The following HERC5 variants were observed in gnomAD, a reference collection of about 807,000 sequenced individuals.
The protein encoded by HERC5 is HECT and RLD domain containing E3 ubiquitin protein ligase 5.
HERC5 carries 99 observed loss-of-function variants against 119.6 expected under a neutral mutation model. The observed-to-expected ratio is 0.83, with a 90% CI of 0.70 to 0.98. The LOEUF (loss-of-function observed/expected upper bound fraction) is 0.98, where lower values mean the gene tolerates loss of function less well. Among genes scored for constraint, HERC5 ranks in the 50% least tolerant of loss-of-function variants. The pLI is 0.00. For missense variants in HERC5, 1,267 were observed against 1,241.3 expected (o/e 1.02, Z -0.31); for synonymous variants, 478 against 445.9 (o/e 1.07, Z -0.91).
intron 5 of HERC5, 64 bp downstream of exon 5, chr4:88,463,687 T>C (rs1156937208): frequency 1.4e-5 from 21 of 1,464,770 alleles, no homozygotes; most frequent in Non-Finnish European, 2.0e-5. Context: ...GGGAAGTTAG[T>C]GTTTCCCAGA....
intron 6 of HERC5, among the ~76,000 whole-genome samples, chr4:88,465,619 C>CA (rs2149088223): frequency 6.6e-6 from 1 of 152,324 alleles, no homozygotes; most frequent in Admixed American, 6.5e-5. Context: ...TCATTACATA[C>CA]AGTCCTTTTG....
chr4:88,479,216 C>G (rs1191012365), intron 12 of HERC5, 137 bp from the exon 13 acceptor site: 1 of 494,978 alleles, frequency 2.0e-6, no homozygotes, highest in African/African-American at 2.1e-5. Context: ...ACCTGGGAGG[C>G]AGAGGATGTA....
rs758440949 is a variant in HERC5 at position 88,504,320 on chromosome 4, A to G, written c.2671A>G (p.Met891Val). Reference sequence around the variant, plus strand: ...AGAATTTCGGAGAGGATTTTATAAAATGTGCGACGAAGACATTATCAAATT... The same window carrying G: ...AGAATTTCGGAGAGGATTTTATAAAGTGTGCGACGAAGACATTATCAAATT... ...YEEFRRGFYK[M>V]CDEDIIKLFH... Residue 891 changes from methionine (M) to valine (V), a missense_variant, in exon 21 of 23, where the codon ATG (methionine) becomes GTG (valine). This residue lies in a region of HERC5 where 473 missense variants were observed against 445.7 expected (regional missense o/e 1.06). Transcript: ENST00000264350. 1.4e-5 allele frequency: 22 copies of G among 1,613,168 alleles called. No homozygotes were observed. In the Admixed American group the frequency reaches 1.8e-4, roughly 13 times the overall value.
At chr4:88,479,898 T>C (rs1741219191) in intron 13 of HERC5, among the ~76,000 whole-genome samples, 1 of 152,002 alleles carries the variant, frequency 6.6e-6, no homozygotes, top group African/African-American at 2.4e-5. Context: ...AAACCCCGTC[T>C]CTATTAAAAA....
chr4:88,491,921 G>T (rs558584436), intron 16 of HERC5, among the ~76,000 whole-genome samples: 7 of 152,236 alleles, frequency 4.6e-5, no homozygotes, highest in Non-Finnish European at 7.4e-5. Flanking sequence ...AGCAGTAGGG[G>T]TGCAGCCTCC....
Position 88,462,168 on chromosome 4 carries a change from A to G in HERC5, c.500A>G (p.His167Arg), listed in dbSNP as rs1485852220. Reference sequence around the variant, plus strand: ...CTTTTTGCCTGGGGACAGAACCTGCATGGGCAGCTTGGAGTTGGAAGGAAA... The same window carrying G: ...CTTTTTGCCTGGGGACAGAACCTGCGTGGGCAGCTTGGAGTTGGAAGGAAA... Reference protein sequence around the residue: ...GELFAWGQNLHGQLGVGRKFP... With the variant: ...GELFAWGQNLRGQLGVGRKFP... The change falls in exon 4 of 23, where the codon CAT (histidine) becomes CGT (arginine). Residue 167 changes from histidine (H) to arginine (R), a missense_variant. His to Arg is a conservative substitution (Grantham distance 29). Around this residue, in one of 3 missense-constraint regions of HERC5, gnomAD observed 777 missense variants for 758.0 expected, o/e 1.03. Transcript: ENST00000264350. 6 of 1,614,022 alleles carry G rather than the reference A, an allele frequency of 3.7e-6. No homozygotes were observed. The Admixed American group carries it at 5.0e-5, about 13-fold the overall frequency.
intron 14 of HERC5, 97 bp from the exon 15 acceptor site, chr4:88,486,972 T>C: frequency 1.4e-6 from 1 of 723,796 alleles, no homozygotes; most frequent in Non-Finnish European, 2.3e-6. Flanking sequence ...TTGGAAGTAC[T>C]GAGACCTTAA....
In HERC5 at chr4:88,468,351, C is replaced by T; in HGVS notation, c.1063C>T (p.His355Tyr). Residue 355 changes from histidine to tyrosine, a missense_variant, in exon 8 of 23, where the codon CAT becomes TAT. Around this residue, in one of 3 missense-constraint regions of HERC5, gnomAD observed 777 missense variants for 758.0 expected, o/e 1.03. Coordinates refer to ENST00000264350, the MANE Select transcript of HERC5 (RefSeq NM_016323.4). ...SSSEELKLES[H>Y]TSEKELIMIA... Reference sequence around the variant, plus strand: ...CTCTTTGTGCATCCTTTCAGAAAGCCATACCTCAGAAAAGGAGTTAATAAT... The same window carrying T: ...CTCTTTGTGCATCCTTTCAGAAAGCTATACCTCAGAAAAGGAGTTAATAAT... The T allele has an allele frequency of 6.2e-7, 1 of 1,607,860 alleles. No homozygotes were observed. The highest frequency in any genetic ancestry group is 8.5e-7 in the Non-Finnish European group (1 of 1,176,512).
At position 88,459,376 on chromosome 4, in the gene HERC5, A is replaced by G; in HGVS notation, c.295A>G (p.Ile99Val). 1 of 1,590,652 alleles carries G rather than the reference A, an allele frequency of 6.3e-7. No homozygotes were observed. Among genetic ancestry groups the G allele is most frequent in the South Asian group, 1.2e-5 (1 of 85,888 alleles). ...KCIKLGKNMKIHSVDQGAEHM... is the reference protein window; with the variant it reads ...KCIKLGKNMKVHSVDQGAEHM... ...CATTAAATTAGGAAAAAACATGAAG[A>G]TACATTCCGTGGACCAAGGAGCAGA... The change falls in exon 2 of 23, where the codon ATA becomes GTA. Residue 99 changes from isoleucine to valine, a missense_variant. Ile to Val is a conservative substitution (Grantham distance 29). Transcript: ENST00000264350.
At chr4:88,471,471 G>A (rs971296782) in intron 10 of HERC5, among the ~76,000 whole-genome samples, 2 of 151,770 alleles carry the variant, frequency 1.3e-5, no homozygotes, top group Non-Finnish European at 2.9e-5. Flanking sequence ...CTTCCACGTA[G>A]CTGGGACTAC....
chr4:88,458,506 C>T (rs1366505190), intron 1 of HERC5, among the ~76,000 whole-genome samples: 1 of 151,844 alleles, frequency 6.6e-6, no homozygotes, highest in Non-Finnish European at 1.5e-5. Flanking sequence ...TGTCCCAATA[C>T]CATTTCTTAA....
chr4:88,504,132 T>G, intron 20 of HERC5, 100 bp from the exon 21 acceptor site: 1 of 696,348 alleles, frequency 1.4e-6, no homozygotes, highest in South Asian at 2.0e-5. Flanking sequence ...ACATGGTAGG[T>G]ACTCAATAAC....
chr4:88,496,168 T>A (rs1228164025), intron 18 of HERC5, among the ~76,000 whole-genome samples: 1 of 152,218 alleles, frequency 6.6e-6, no homozygotes, highest in Non-Finnish European at 1.5e-5. Flanking sequence ...AGTTTTGACC[T>A]CATGAACTCT....
chr4:88,495,936 G>A (rs572836259), intron 18 of HERC5, among the ~76,000 whole-genome samples: 2 of 152,158 alleles, frequency 1.3e-5, no homozygotes, highest in Non-Finnish European at 2.9e-5. Context: ...TAGGTCTTAA[G>A]ATTCTCTTAA....
intron 11 of HERC5, among the ~76,000 whole-genome samples, chr4:88,475,324 C>CTTTTTTTTTTTTTTTT (rs757780297): frequency 8.1e-6 from 1 of 123,488 alleles, no homozygotes; most frequent in Non-Finnish European, 1.7e-5. Flanking sequence ...TTCTTTCTTT[C>CTTTTTTTTTTTTTTTT]TTTTTTTTTT....
intron 18 of HERC5, 148 bp from the exon 19 acceptor site, chr4:88,499,778 A>C: frequency 1.9e-6 from 1 of 531,596 alleles, no homozygotes. Context: ...GGCCCTGTTT[A>C]GACTATCAGT....
Position 88,486,301 on chromosome 4 carries a change from A to G in HERC5, c.1851+73A>G. The G allele has an allele frequency of 2.4e-6, 2 of 822,552 alleles. 1 individual carries two copies. The highest frequency in any genetic ancestry group is 3.5e-5 in the South Asian group (2 of 56,936). The allele number at this position is 822,552 out of a possible 1,614,324, so 51.0% of individuals were successfully genotyped here. ...TACAGGCATTTCTTGTCCTCTGCAA[A>G]ATTGCACAATAGAAATAGCAGGACT... On this transcript the variant is annotated intron_variant, in intron 14 of 22. Transcript: ENST00000264350.
chr4:88,464,695 T>G (rs1740585828), intron 6 of HERC5, among the ~76,000 whole-genome samples: 1 of 152,062 alleles, frequency 6.6e-6, no homozygotes, highest in African/African-American at 2.4e-5. Flanking sequence ...CTCAGGTTAT[T>G]CTCCCACCTC....
intron 22 of HERC5, among the ~76,000 whole-genome samples, chr4:88,504,970 A>G (rs1296947177): frequency 1.3e-5 from 2 of 152,136 alleles, no homozygotes; most frequent in Non-Finnish European, 2.9e-5. Context: ...TACTGTACAC[A>G]GCTATTTTAT....
Sources: allele counts gnomAD v4.1 joint callset (sites outside exome capture counted in the v4.1 genomes callset), GRCh38; gene constraint gnomAD v4.1.1; regional missense constraint gnomAD v4.1.1; transcripts MANE v1.5; gene names NCBI Gene and HGNC (gene_info 2026-07-23, HGNC 2026-07-21).